Variants in CUL2 observed in about 807,000 individuals in gnomAD.
CUL2 encodes cullin 2.
Under a neutral mutation model 110.2 loss-of-function variants are expected in CUL2, and 22 were observed. The observed-to-expected ratio is 0.20, with a 90% CI of 0.14 to 0.28. CUL2 has a LOEUF of 0.28. Ranked by LOEUF, CUL2 falls within the 10% of genes least tolerant of loss-of-function variation. The probability of loss-of-function intolerance (pLI) is 1.00; values close to 1 mark genes in which losing one functional copy is unlikely to be tolerated. For missense variants in CUL2, 631 were observed against 905.5 expected (o/e 0.70, Z 3.89); for synonymous variants, 279 against 293.2 (o/e 0.95, Z 0.49).
At chr10:35,073,747 G>A (rs979585733) in intron 1 of CUL2, among the ~76,000 whole-genome samples, 1 of 151,974 alleles carries the variant, frequency 6.6e-6, no homozygotes. Context: ...TGAGATTACA[G>A]GCGTCTGCCA....
intron 1 of CUL2, among the ~76,000 whole-genome samples, chr10:35,113,493 T>G: frequency 1.5e-5 from 1 of 68,498 alleles, no homozygotes; most frequent in African/African-American, 5.6e-5. Context: ...AGCAAGACTC[T>G]GCCTCAAAAA....
chr10:35,074,222 T>C (rs895544520), intron 1 of CUL2: 3 of 1,535,110 alleles, frequency 2.0e-6, no homozygotes, highest in South Asian at 1.2e-5. Context: ...TGTTACTCTG[T>C]ACATAAAGTA....
At chr10:35,059,351 C>T (rs574069232) in intron 4 of CUL2, among the ~76,000 whole-genome samples, 3 of 152,286 alleles carry the variant, frequency 2.0e-5, no homozygotes, top group Admixed American at 1.3e-4. Context: ...CCACAGCCTC[C>T]CCAACCTTCA....
intron 1 of CUL2, 118 bp from the exon 2 acceptor site, chr10:35,071,457 T>C: frequency 1.3e-6 from 1 of 791,590 alleles, no homozygotes; most frequent in Non-Finnish European, 2.0e-6. Flanking sequence ...CAGGCTGGAG[T>C]GCAATGGCGT....
intron 1 of CUL2, among the ~76,000 whole-genome samples, chr10:35,083,870 T>C (rs999798760): frequency 6.6e-6 from 1 of 152,198 alleles, no homozygotes; most frequent in Admixed American, 6.5e-5. Flanking sequence ...GAGATATTTT[T>C]AAAAATTTAC....
At chr10:35,084,905 G>A (rs1432323068) in intron 1 of CUL2, among the ~76,000 whole-genome samples, 1 of 152,068 alleles carries the variant, frequency 6.6e-6, no homozygotes, top group African/African-American at 2.4e-5. Context: ...GAATCATGAG[G>A]TCAGGAGTTC....
upstream of CUL2, among the ~76,000 whole-genome samples, chr10:35,095,334 A>G (rs527976429): frequency 4.5e-3 from 679 of 150,270 alleles, 4 homozygotes; most frequent in African/African-American, 1.0e-2. Flanking sequence ...AAAAAAAAAA[A>G]AAAGAAAGAA....
chr10:35,061,067 T>C (rs1247755136), intron 3 of CUL2, 99 bp from the exon 4 acceptor site: 1 of 1,262,552 alleles, frequency 7.9e-7, no homozygotes, highest in Non-Finnish European at 1.1e-6. Context: ...ATAATTTACA[T>C]AATTCTAGCT....
At chr10:35,018,288 C>CAAAAAAA (rs11357517) in intron 17 of CUL2, among the ~76,000 whole-genome samples, 3 of 75,242 alleles carry the variant, frequency 4.0e-5, no homozygotes, top group Non-Finnish European at 7.0e-5. Context: ...CTCCATCTCA[C>CAAAAAAA]AAAAAAAAAA....
chr10:35,114,292 G>A (rs1479889704), intron 1 of CUL2, among the ~76,000 whole-genome samples: 1 of 151,470 alleles, frequency 6.6e-6, no homozygotes, highest in African/African-American at 2.4e-5. Context: ...TGGAACTCCC[G>A]ACCTCAAGTG....
At chr10:35,077,732 G>A (rs944838789) in intron 1 of CUL2, among the ~76,000 whole-genome samples, 2 of 151,102 alleles carry the variant, frequency 1.3e-5, no homozygotes, top group Non-Finnish European at 1.5e-5. Flanking sequence ...CAGGAGAATC[G>A]CTTGAACCCA....
chr10:35,107,554 T>C (rs1236267605), intron 1 of CUL2, among the ~76,000 whole-genome samples: 2 of 151,946 alleles, frequency 1.3e-5, no homozygotes, highest in South Asian at 4.1e-4. Context: ...GCCATGTTTA[T>C]GTATCATCAA....
intron 2 of CUL2, among the ~76,000 whole-genome samples, chr10:35,095,949 A>AT (rs1204051157): frequency 2.0e-5 from 3 of 152,132 alleles, no homozygotes; most frequent in African/African-American, 7.2e-5. Context: ...GGAGTGGCTC[A>AT]TTAAGGAGCT....
chr10:35,021,452 CACAT>C (rs1394683948), intron 17 of CUL2, among the ~76,000 whole-genome samples: 1 of 148,794 alleles, frequency 6.7e-6, no homozygotes, highest in East Asian at 2.0e-4. Flanking sequence ...TACACACACA[CACAT>C]ACATACACAC....
chr10:35,115,627 C>T (rs1313942329), intron 1 of CUL2, among the ~76,000 whole-genome samples: 1 of 152,086 alleles, frequency 6.6e-6, no homozygotes, highest in Non-Finnish European at 1.5e-5. Context: ...GGTGTGGTGG[C>T]TCACACCTGT....
intron 2 of CUL2, among the ~76,000 whole-genome samples, chr10:35,096,668 A>G (rs1485211653): frequency 6.6e-6 from 1 of 152,184 alleles, no homozygotes; most frequent in African/African-American, 2.4e-5. Flanking sequence ...AGTACTAAAA[A>G]ACAAAACAAA....
chr10:35,027,896 A>G (rs2085375884), intron 16 of CUL2, among the ~76,000 whole-genome samples: 1 of 152,232 alleles, frequency 6.6e-6, no homozygotes, highest in South Asian at 2.1e-4. Flanking sequence ...TACATCAACA[A>G]ATAAAGTTTA....
At chr10:35,035,113 AAAGGC>A in intron 10 of CUL2, 54 bp downstream of exon 10, 1 of 1,589,104 alleles carries the variant, frequency 6.3e-7, no homozygotes, top group Non-Finnish European at 8.6e-7. Context: ...AAGTCAAAGG[AAAGGC>A]TCCACGCTGG....
At chr10:35,071,700 A>G (rs947329393) in intron 1 of CUL2, among the ~76,000 whole-genome samples, 21 of 152,112 alleles carry the variant, frequency 1.4e-4, no homozygotes, top group Non-Finnish European at 2.2e-4. Context: ...GAACCATCAC[A>G]CCCGGCCAGT....
Sources: allele counts gnomAD v4.1 joint callset (sites outside exome capture counted in the v4.1 genomes callset), GRCh38; gene constraint gnomAD v4.1.1; transcripts MANE v1.5; gene names NCBI Gene and HGNC (gene_info 2026-07-23, HGNC 2026-07-21).